The following FAT2 variants were observed in gnomAD, a reference collection of about 807,000 sequenced individuals.
The protein encoded by FAT2 is FAT atypical cadherin 2, also known as protocadherin Fat 2.
FAT2 carries 150 observed loss-of-function variants against 295.3 expected under a neutral mutation model. That is an observed-to-expected ratio of 0.51 (90% CI 0.44 to 0.58). The LOEUF is 0.58. FAT2 is among the 20% of genes least tolerant of loss of function. FAT2 has a pLI of 0.00. For missense variants in FAT2, 4,868 were observed against 5,442.7 expected, an observed-to-expected ratio of 0.89 and a Z score of 3.32; for synonymous variants, 2,026 against 2,150.3, an observed-to-expected ratio of 0.94 and a Z score of 1.60.
At chr5:151,556,275 A>G (rs1262048245) in intron 4 of FAT2, 69 bp downstream of exon 4, 2 of 1,303,342 alleles carry the variant, frequency 1.5e-6, no homozygotes, top group Non-Finnish European at 2.2e-6. Flanking sequence ...AGTGCTAGAC[A>G]TGCACGTGGC....
At chr5:151,584,150 C>G (rs891899789) in intron 1 of FAT2, among the ~76,000 whole-genome samples, 2 of 151,900 alleles carry the variant, frequency 1.3e-5, no homozygotes, top group Admixed American at 1.3e-4. Flanking sequence ...GATCTTGGAC[C>G]CTTCCTGCCC....
upstream of FAT2, among the ~76,000 whole-genome samples, chr5:151,592,384 C>T (rs1759447953): frequency 1.3e-5 from 2 of 152,182 alleles, no homozygotes; most frequent in Admixed American, 6.5e-5. Flanking sequence ...ATCGCTCCTG[C>T]CCCACAAAAC....
At chr5:151,526,170 G>A (rs2127585244) in intron 17 of FAT2, among the ~76,000 whole-genome samples, 1 of 152,324 alleles carries the variant, frequency 6.6e-6, no homozygotes, top group Admixed American at 6.5e-5. Flanking sequence ...AGCTCCCCAA[G>A]GGCAATGTTG....
rs753967403 is a variant in FAT2, at chr5:151,553,330, C to T, written c.4003G>A (p.Glu1335Lys). Reference protein sequence around the residue: ...PLSASVRLHIEWIPWPRPSSI... With the variant: ...PLSASVRLHIKWIPWPRPSSI... ...GACGGCCGGGGCCAAGGGATCCACT[C>T]AATGTGTAGCCGGACACTGGCTGAG... is the stretch of plus-strand genomic sequence containing the variant. The change falls in exon 6 of 24, where the codon GAG (glutamate) becomes AAG (lysine). Residue 1335 changes from glutamate (E) to lysine (K), a missense_variant. Around this residue, in one of 5 missense-constraint regions of FAT2, gnomAD observed 3,297 missense variants for 3,669.4 expected, o/e 0.90. Transcript: ENST00000261800. 1 of 1,614,258 alleles carries T rather than the reference C, an allele frequency of 6.2e-7. No individual in the cohort carries two copies. The highest frequency in any genetic ancestry group is 8.5e-7 in the Non-Finnish European group (1 of 1,180,052).
intron 14 of FAT2, among the ~76,000 whole-genome samples, chr5:151,530,917 T>C (rs1165361969): frequency 6.6e-6 from 1 of 152,108 alleles, no homozygotes; most frequent in Non-Finnish European, 1.5e-5. Context: ...ATGGTAAATT[T>C]TAAAAAATAT....
At position 151,568,740 on chromosome 5, in the gene FAT2, C is replaced by T; in HGVS notation, c.192G>A (p.Glu64=). 6.2e-7 allele frequency: 1 copy of T among 1,614,162 alleles called. No homozygotes were observed. The highest frequency in any genetic ancestry group is 8.5e-7 in the Non-Finnish European group (1 of 1,180,034). The change falls in exon 2 of 24, where the codon GAG becomes GAA. Residue 64 remains glutamate (E), a synonymous_variant. Coordinates refer to ENST00000261800, the MANE Select transcript of FAT2 (RefSeq NM_001447.3). ...TCCGGTACCTCACTGCCCACTGTGG[C>T]TCCGCGAGGTAGATGCCCATTTTCT... is the stretch of plus-strand genomic sequence containing the variant. ...SFEKMGIYLA[E]PQWAVRYRII...
Position 151,550,748 on chromosome 5 carries a change from C to A in FAT2, c.4420G>T (p.Asp1474Tyr). The change falls in exon 8 of 24, where the codon GAT (aspartate) becomes TAT (tyrosine). Residue 1474 changes from aspartate (D) to tyrosine (Y), a missense_variant. Transcript: ENST00000261800. The part of the protein sequence containing the change: ...GVELLRVQAI[D>Y]QDKGKSLIYT... ...ATGAGGCTTTTGCCCTTGTCTTGAT[C>A]TATGGCCTGGACTCGCAGGAGCTCT... 1 of 1,614,138 alleles carries A rather than the reference C, an allele frequency of 6.2e-7. No homozygotes were observed. The highest frequency in any genetic ancestry group is 8.5e-7 in the Non-Finnish European group (1 of 1,180,020).
chr5:151,536,940 T>A (rs1476016799), intron 12 of FAT2, among the ~76,000 whole-genome samples: 1 of 152,204 alleles, frequency 6.6e-6, no homozygotes, highest in Non-Finnish European at 1.5e-5. Context: ...CCTCAGTGTG[T>A]GTACTATTTC....
chr5:151,522,659 A>G (rs1054618750), intron 18 of FAT2, among the ~76,000 whole-genome samples: 1 of 152,196 alleles, frequency 6.6e-6, no homozygotes, highest in African/African-American at 2.4e-5. Flanking sequence ...ATAAACAGAG[A>G]CCTAACTTTG....
chr5:151,592,495 A>C (rs909379974), upstream of FAT2, among the ~76,000 whole-genome samples: 1 of 152,222 alleles, frequency 6.6e-6, no homozygotes, highest in East Asian at 1.9e-4. Flanking sequence ...CTTTGCTTGC[A>C]TACCTCTAAT....
intron 1 of FAT2, among the ~76,000 whole-genome samples, chr5:151,579,266 A>G (rs1758854165): frequency 6.6e-6 from 1 of 152,192 alleles, no homozygotes; most frequent in South Asian, 2.1e-4. Context: ...AAATTTTGTC[A>G]TCACAAAAAA....
chr5:151,577,062 T>A (rs1758775577), intron 1 of FAT2, among the ~76,000 whole-genome samples: 1 of 152,256 alleles, frequency 6.6e-6, no homozygotes, highest in Non-Finnish European at 1.5e-5. Flanking sequence ...AGTCCCACAC[T>A]GACCAAAATG....
chr5:151,511,915 C>T, intron 21 of FAT2: 2 of 537,134 alleles, frequency 3.7e-6, no homozygotes, highest in East Asian at 3.2e-5. Context: ...ACCCTCTGCC[C>T]CTGAGGTCCC....
rs141148216 is a variant in FAT2 at position 151,567,845 on chromosome 5, C to T, written c.1087G>A (p.Glu363Lys). Reference protein sequence around the residue: ...PPSKLSSLKFEKAVYRVQLSE... With the variant: ...PPSKLSSLKFKKAVYRVQLSE... The stretch of plus-strand genomic sequence containing the variant: ...AGCTGCACTCTGTAAACAGCCTTCT[C>T]GAATTTGAGGGAAGACAGTTTGGAA... Residue 363 changes from glutamate to lysine, a missense_variant, in exon 2 of 24, where the codon GAG becomes AAG. Glu to Lys is a moderately conservative substitution (Grantham distance 56, BLOSUM62 1). This residue lies in a region of FAT2 where 3,297 missense variants were observed against 3,669.4 expected (regional missense o/e 0.90). Transcript: ENST00000261800. The T allele has an allele frequency of 2.7e-5, 43 of 1,614,110 alleles. No individual in the cohort carries two copies. Among genetic ancestry groups the T allele is most frequent in the Non-Finnish European group, 3.1e-5 (37 of 1,180,020 alleles).
At chr5:151,557,752 G>A in intron 3 of FAT2, among the ~76,000 whole-genome samples, 1 of 152,188 alleles carries the variant, frequency 6.6e-6, no homozygotes, top group East Asian at 1.9e-4. Context: ...ATCTGAAAAA[G>A]TCCTGACAAC....
chr5:151,581,076 C>A (rs951184473), intron 1 of FAT2, among the ~76,000 whole-genome samples: 3 of 152,208 alleles, frequency 2.0e-5, no homozygotes, highest in African/African-American at 7.2e-5. Flanking sequence ...GGAGTCGCTA[C>A]AGTCAGGCCA....
intron 3 of FAT2, among the ~76,000 whole-genome samples, chr5:151,562,293 G>A (rs1048682153): frequency 6.6e-6 from 1 of 152,088 alleles, no homozygotes; most frequent in African/African-American, 2.4e-5. Context: ...ATCCTTCTCC[G>A]ACAAGAGTAA....
chr5:151,509,600 A>G (rs1392977202), intron 22 of FAT2: 2 of 181,538 alleles, frequency 1.1e-5, no homozygotes, highest in Non-Finnish European at 2.3e-5. Flanking sequence ...TATAAGGAGC[A>G]TATATCTAAT....
intron 1 of FAT2, among the ~76,000 whole-genome samples, chr5:151,584,523 C>T: frequency 6.6e-6 from 1 of 152,182 alleles, no homozygotes. Flanking sequence ...CCGGTCAAGA[C>T]TCAAACACAA....
Sources: gnomAD v4.1 joint callset for allele counts (sites outside exome capture counted in the v4.1 genomes callset) on GRCh38, gnomAD v4.1.1 for gene constraint, gnomAD v4.1.1 regional missense constraint, MANE v1.5 for transcripts, NCBI Gene and HGNC (gene_info 2026-07-23, HGNC 2026-07-21) for gene names.